PTPRU: variants seen among roughly 807,000 people sequenced by gnomAD.
PTPRU encodes receptor-type tyrosine-protein phosphatase U.
PTPRU carries 69 observed loss-of-function variants against 166.3 expected under a neutral mutation model. The observed-to-expected ratio is 0.41, with a 90% CI of 0.34 to 0.51. The LOEUF is 0.51. Among genes scored for constraint, PTPRU ranks in the 20% least tolerant of loss-of-function variants. The pLI is 0.09. For missense variants in PTPRU, 1,657 were observed against 2,013.7 expected (o/e 0.82, Z 3.39); for synonymous variants, 793 against 814.0 (o/e 0.97, Z 0.44).
chr1:29,244,823 C>T (rs1684218917), intron 1 of PTPRU, among the ~76,000 whole-genome samples: 1 of 152,210 alleles, frequency 6.6e-6, no homozygotes, highest in African/African-American at 2.4e-5. Context: ...ACAGGTCCTG[C>T]ACATAGTAAG....
At chr1:29,307,187 CCTGTCTGTCTGACTGG>C (rs1428263587) in intron 18 of PTPRU, 2 of 1,599,622 alleles carry the variant, frequency 1.3e-6, no homozygotes, top group African/African-American at 1.3e-5. Flanking sequence ...TCCTCTTCCT[CCTGTCTGTCTGACTGG>C]CTGTATCTCA....
At chr1:29,299,348 T>C (rs1308628883) in intron 15 of PTPRU, among the ~76,000 whole-genome samples, 1 of 152,026 alleles carries the variant, frequency 6.6e-6, no homozygotes, top group Non-Finnish European at 1.5e-5. Flanking sequence ...ATGGGCAAAC[T>C]GGTCCTTAGG....
chr1:29,240,976 G>A (rs1574590753), intron 1 of PTPRU, among the ~76,000 whole-genome samples: 1 of 152,196 alleles, frequency 6.6e-6, no homozygotes, highest in Non-Finnish European at 1.5e-5. Flanking sequence ...AGATGGGGTT[G>A]GGGAGGCTGG....
In PTPRU at chr1:29,279,957, G is replaced by A; in HGVS notation, c.1766-82G>A. 22 of 1,379,220 alleles carry A rather than the reference G, an allele frequency of 1.6e-5. No individual in the cohort carries two copies. The highest frequency in any genetic ancestry group is 2.2e-5 in the Non-Finnish European group (22 of 981,964). The allele number at this position is 1,379,220 out of a possible 1,614,324, so 85.4% of individuals were successfully genotyped here. ...AAGGCTGAAGTAGGGGAGATCTGAG[G>A]ACTGTGGTCAAGGAGGCTGGAAGCC... On this transcript the variant is annotated intron_variant, in intron 10 of 29. Coordinates refer to ENST00000373779, the MANE Select transcript of PTPRU (RefSeq NM_133178.4). This position sits in a 1 kb window ranked among gnomAD's most constrained non-coding sequence, Gnocchi z 5.2.
chr1:29,241,034 G>A (rs375366138), intron 1 of PTPRU, among the ~76,000 whole-genome samples: 1 of 152,162 alleles, frequency 6.6e-6, no homozygotes, highest in Non-Finnish European at 1.5e-5. Context: ...GTCAGAGTGG[G>A]GGGTGTGTAG....
At chr1:29,299,813 A>G (rs531750406) in intron 15 of PTPRU, among the ~76,000 whole-genome samples, 26 of 152,322 alleles carry the variant, frequency 1.7e-4, no homozygotes, top group African/African-American at 6.0e-4. Context: ...TTGAGCCAAC[A>G]GAAGTCCCTC....
At chr1:29,262,744 CAATT>C (rs759545660) in intron 7 of PTPRU, among the ~76,000 whole-genome samples, 8 of 152,086 alleles carry the variant, frequency 5.3e-5, no homozygotes, top group Non-Finnish European at 7.4e-5. Flanking sequence ...ACCATTAACT[CAATT>C]AATTAATTGA....
Position 29,320,539 on chromosome 1 carries a change from GA to G in PTPRU, c.3688-143del. 1 of 951,124 alleles carries G rather than the reference GA, an allele frequency of 1.1e-6. No individual in the cohort carries two copies. The highest frequency in any genetic ancestry group is 1.5e-6 in the Non-Finnish European group (1 of 688,190). The allele number at this position is 951,124 out of a possible 1,614,324, so 58.9% of individuals were successfully genotyped here. A position where few individuals can be genotyped will look rare whatever the true frequency, so the allele number is the denominator to read the frequency against. On this transcript the variant is annotated intron_variant, in intron 25 of 29. Transcript: ENST00000373779. The surrounding 1 kb of genome is among the most constrained non-coding windows in gnomAD (Gnocchi z 5.2). ...GGCCTCAGTGTGCCAACCAACATCA[GA>G]AATGGCCCACTGGAGGCAGCCTGGT...
intron 1 of PTPRU, among the ~76,000 whole-genome samples, chr1:29,240,973 G>T (rs925348303): frequency 6.6e-6 from 1 of 152,172 alleles, no homozygotes; most frequent in African/African-American, 2.4e-5. Context: ...GGCAGATGGG[G>T]TTGGGGAGGC....
chr1:29,304,905 G>A, intron 17 of PTPRU, 56 bp downstream of exon 17: 16 of 1,492,634 alleles, frequency 1.1e-5, no homozygotes, highest in Admixed American at 1.8e-5. Flanking sequence ...GGCATCAGGA[G>A]GGGGAACACA....
chr1:29,260,482 G>A lies in PTPRU; in HGVS notation c.851-128G>A. ...GGGGTAGGAGAGCGGGTCTGGTTGA[G>A]GGCTTGGTAGCAGCGTGAGAGGCCC... is the stretch of plus-strand genomic sequence containing the variant. On this transcript the variant is annotated intron_variant, in intron 6 of 29. Coordinates refer to ENST00000373779, the MANE Select transcript of PTPRU (RefSeq NM_133178.4). This position sits in a 1 kb window ranked among gnomAD's most constrained non-coding sequence, Gnocchi z 8.3. 1.4e-6 allele frequency: 1 copy of A among 731,872 alleles called. No individual in the cohort carries two copies. Among genetic ancestry groups the A allele is most frequent in the South Asian group, 2.4e-5 (1 of 40,836 alleles). The allele number at this position is 731,872 out of a possible 1,614,324, so 45.3% of individuals were successfully genotyped here. A position where few individuals can be genotyped will look rare whatever the true frequency, so the allele number is the denominator to read the frequency against.
At chr1:29,246,789 T>G (rs1306835002) in intron 1 of PTPRU, among the ~76,000 whole-genome samples, 2 of 152,144 alleles carry the variant, frequency 1.3e-5, no homozygotes, top group East Asian at 3.9e-4. Context: ...CTAATTTTTG[T>G]ATTTTTACTG....
At chr1:29,289,205 G>T (rs1355172089) in intron 14 of PTPRU, among the ~76,000 whole-genome samples, 1 of 152,116 alleles carries the variant, frequency 6.6e-6, no homozygotes, top group Non-Finnish European at 1.5e-5. Flanking sequence ...GTGTGTGTCA[G>T]GGGATGTCTA....
chr1:29,260,719 G>A lies in PTPRU; in HGVS notation c.960G>A (p.Lys320=), dbSNP rs1355735436. The A allele has an allele frequency of 6.2e-7, 1 of 1,604,178 alleles. No homozygotes were observed. The highest frequency in any genetic ancestry group is 8.5e-7 in the Non-Finnish European group (1 of 1,174,830). Reference sequence around the variant, plus strand: ...TTGGCGACGGGCCGATCGTGCGCAAGGAGATTGAGTACCGCATGGCGCGCG... The same window carrying A: ...TTGGCGACGGGCCGATCGTGCGCAAAGAGATTGAGTACCGCATGGCGCGCG... ...SIIGDGPIVR[K]EIEYRMARGP... Residue 320 remains lysine (K), a synonymous_variant, in exon 7 of 30, where the codon AAG becomes AAA. Transcript: ENST00000373779. This position sits in a 1 kb window ranked among gnomAD's most constrained non-coding sequence, Gnocchi z 8.3.
chr1:29,277,789 T>TCACA (rs1449155615), intron 8 of PTPRU, among the ~76,000 whole-genome samples: 1 of 147,270 alleles, frequency 6.8e-6, no homozygotes, highest in Non-Finnish European at 1.5e-5. Context: ...CCATCTGGCT[T>TCACA]CACAGTTGTC....
chr1:29,322,519 C>T (rs1364503948), intron 26 of PTPRU, among the ~76,000 whole-genome samples: 1 of 151,998 alleles, frequency 6.6e-6, no homozygotes, highest in Non-Finnish European at 1.5e-5. Flanking sequence ...AAGAGAGACC[C>T]GTGGAGAGGG....
chr1:29,304,737 C>A, intron 16 of PTPRU, 37 bp from the exon 17 acceptor site: 1 of 1,538,122 alleles, frequency 6.5e-7, no homozygotes, highest in Non-Finnish European at 9.0e-7. Context: ...AGTGAGGGTC[C>A]CTCTCTCCCA....
intron 18 of PTPRU, among the ~76,000 whole-genome samples, chr1:29,309,190 G>C (rs962104265): frequency 1.1e-4 from 17 of 152,214 alleles, no homozygotes; most frequent in Non-Finnish European, 2.1e-4. Flanking sequence ...AAGGCTTAGA[G>C]AGGCCAAGAG....
chr1:29,242,319 A>G (rs1684095868), intron 1 of PTPRU, among the ~76,000 whole-genome samples: 2 of 151,922 alleles, frequency 1.3e-5, no homozygotes, highest in Non-Finnish European at 2.9e-5. Context: ...GCTGTACCCA[A>G]CTCAACCTCT....
Sources: allele counts gnomAD v4.1 joint callset (sites outside exome capture counted in the v4.1 genomes callset), GRCh38; gene constraint gnomAD v4.1.1; non-coding constraint Gnocchi (gnomAD v3.1); transcripts MANE v1.5; gene names NCBI Gene and HGNC (gene_info 2026-07-23, HGNC 2026-07-21).